The following DSCAML1 variants were observed in gnomAD, a reference collection of about 807,000 sequenced individuals.
DSCAML1 encodes cell adhesion molecule DSCAML1.
A neutral mutation model predicts 200.5 loss-of-function variants in DSCAML1; 38 were observed. That is an observed-to-expected ratio of 0.19 (90% CI 0.15 to 0.25). The LOEUF is 0.25. DSCAML1 is among the 10% of genes least tolerant of loss of function. DSCAML1 has a pLI of 1.00. For missense variants in DSCAML1, 2,223 were observed against 2,858.8 expected (o/e 0.78, Z 5.07); for synonymous variants, 1,215 against 1,165.0 (o/e 1.04, Z -0.87).
chr11:117,699,334 G>T (rs1166127153), intron 3 of DSCAML1, among the ~76,000 whole-genome samples: 1 of 152,170 alleles, frequency 6.6e-6, no homozygotes, highest in African/African-American at 2.4e-5. Flanking sequence ...GCACACGGCT[G>T]GGTCTCGAAT....
At chr11:117,664,111 AGAG>A (rs2052923674) in intron 3 of DSCAML1, among the ~76,000 whole-genome samples, 1 of 152,180 alleles carries the variant, frequency 6.6e-6, no homozygotes. Context: ...GGATGCTGGG[AGAG>A]GAGGCCAGGG....
rs1390358513 is a variant in DSCAML1, at chr11:117,649,708, A to G, written c.512-117186T>C. Among the ~76,000 whole-genome samples the G allele has an allele frequency of 2.0e-5, 3 of 152,096 alleles. No individual in the cohort carries two copies. The East Asian group carries it at 5.8e-4, about 29-fold the overall frequency. On this transcript the variant is annotated intron_variant, in intron 3 of 32. Coordinates refer to ENST00000651296, the MANE Select transcript of DSCAML1 (RefSeq NM_020693.4). ...TCTTAAAATAGCACGGGTTGAGAAA[A>G]TTTCCACAATGGCTATTGAATAATG...
At chr11:117,767,559 A>G (rs930332547) in intron 3 of DSCAML1, among the ~76,000 whole-genome samples, 1 of 152,214 alleles carries the variant, frequency 6.6e-6, no homozygotes, top group Non-Finnish European at 1.5e-5. Context: ...GAAGAATACA[A>G]GATGTCTGAG....
chr11:117,772,927 TG>T (rs1308698747), intron 3 of DSCAML1, among the ~76,000 whole-genome samples: 1 of 152,016 alleles, frequency 6.6e-6, no homozygotes, highest in Non-Finnish European at 1.5e-5. Context: ...AAACAGCGGA[TG>T]GAAAGATGAC....
chr11:117,488,884 C>T (rs773232447), intron 11 of DSCAML1, among the ~76,000 whole-genome samples: 7 of 152,328 alleles, frequency 4.6e-5, no homozygotes, highest in East Asian at 3.9e-4. Context: ...TATTATGCCC[C>T]GGTTCCAAAG....
At chr11:117,630,059 C>T (rs1206483668) in intron 3 of DSCAML1, among the ~76,000 whole-genome samples, 1 of 152,134 alleles carries the variant, frequency 6.6e-6, no homozygotes, top group Non-Finnish European at 1.5e-5. Flanking sequence ...AACTGAGAGA[C>T]AGCACAGTGA....
At position 117,780,529 on chromosome 11, in the gene DSCAML1, C is replaced by A; in HGVS notation, c.328G>T (p.Gly110Cys). The change falls in exon 2 of 33, where the codon GGC (glycine) becomes TGC (cysteine). Residue 110 changes from glycine to cysteine, a missense_variant. Gly to Cys is a radical substitution (Grantham distance 159). Around this residue, in one of 7 missense-constraint regions of DSCAML1, gnomAD observed 579 missense variants for 721.5 expected, o/e 0.80. Transcript: ENST00000651296. The surrounding 1 kb of genome is among the most constrained non-coding windows in gnomAD (Gnocchi z 4.8). ...CGGATGTTGGGGCTCCGGATCTTGC[C>A]GGCAGCGTTCTCCGCGGTGCAGAAG... is the stretch of plus-strand genomic sequence containing the variant. ...DYFCTAENAAGKIRSPNIRVK... is the reference protein window; with the variant it reads ...DYFCTAENAACKIRSPNIRVK... 1 of 1,462,382 alleles carries A rather than the reference C, an allele frequency of 6.8e-7. No individual in the cohort carries two copies. The highest frequency in any genetic ancestry group is 9.1e-7 in the Non-Finnish European group (1 of 1,100,952). The allele number at this position is 1,462,382 out of a possible 1,614,324, so 90.6% of individuals were successfully genotyped here.
rs80346819 is a variant in DSCAML1 at position 117,553,675 on chromosome 11, G to A, written c.512-21153C>T. Among the ~76,000 whole-genome samples, 484 of 152,282 alleles carry A rather than the reference G, an allele frequency of 3.2e-3. 16 individuals carry two copies. In the East Asian group the frequency reaches 0.072, roughly 23 times the overall value. On this transcript the variant is annotated intron_variant, in intron 3 of 32. Coordinates refer to ENST00000651296, the MANE Select transcript of DSCAML1 (RefSeq NM_020693.4). ...AGGATGTGGCAAAATTGAAATCCTC[G>A]TGCACTGATGGTGGGAATATAAAAT...
chr11:117,442,972 G>C (rs547801833), intron 21 of DSCAML1, among the ~76,000 whole-genome samples: 148 of 152,332 alleles, frequency 9.7e-4, no homozygotes, highest in African/African-American at 2.1e-3. Context: ...GTAGGCCCTC[G>C]ATCAGATGCT....
chr11:117,786,569 G>A (rs1462477458), intron 1 of DSCAML1, among the ~76,000 whole-genome samples: 1 of 152,094 alleles, frequency 6.6e-6, no homozygotes, highest in Non-Finnish European at 1.5e-5. Flanking sequence ...GTGACCCCCA[G>A]GGCTCCCACC....
intron 14 of DSCAML1, among the ~76,000 whole-genome samples, chr11:117,474,030 T>C (rs1490915584): frequency 2.6e-5 from 4 of 152,170 alleles, no homozygotes; most frequent in Non-Finnish European, 5.9e-5. Context: ...CATTCATTTT[T>C]GATGAGTGCA....
chr11:117,696,895 A>C lies in DSCAML1; in HGVS notation c.511+79896T>G, dbSNP rs559976548. Among the ~76,000 whole-genome samples, 3 of 152,268 alleles carry C rather than the reference A, an allele frequency of 2.0e-5. No homozygotes were observed. In the East Asian group the frequency reaches 5.8e-4, roughly 29 times the overall value. On this transcript the variant is annotated intron_variant, in intron 3 of 32. Coordinates refer to ENST00000651296, the MANE Select transcript of DSCAML1 (RefSeq NM_020693.4). ...TCCCATGCTCGCCCATTAATAGTAC[A>C]ACCTCCCTTGTCATCTGAGGCAGCT...
intron 1 of DSCAML1, among the ~76,000 whole-genome samples, chr11:117,809,922 T>G (rs1460037937): frequency 6.8e-6 from 1 of 147,428 alleles, no homozygotes; most frequent in Non-Finnish European, 1.5e-5. Context: ...CATTCACACA[T>G]TCACACACAC....
Position 117,691,001 on chromosome 11 carries a change from C to T in DSCAML1, c.511+85790G>A, listed in dbSNP as rs537834890. On this transcript the variant is annotated intron_variant, in intron 3 of 32. Transcript: ENST00000651296. Reference sequence around the variant, plus strand: ...CTCCCTAGGGCTCCCGTGACACATGCGTTTGGCCCTTCGAGATTACAAAGG... The same window carrying T: ...CTCCCTAGGGCTCCCGTGACACATGTGTTTGGCCCTTCGAGATTACAAAGG... 3.9e-5 allele frequency among the ~76,000 whole-genome samples: 6 copies of T among 152,268 alleles called. No homozygotes were observed. The South Asian group carries it at 8.3e-4, about 21-fold the overall frequency.
chr11:117,437,466 G>T lies in DSCAML1; in HGVS notation c.4433-57C>A. On this transcript the variant is annotated intron_variant, in intron 25 of 32. Coordinates refer to ENST00000651296, the MANE Select transcript of DSCAML1 (RefSeq NM_020693.4). This position sits in a 1 kb window ranked among gnomAD's most constrained non-coding sequence, Gnocchi z 5.3. ...AGAGATTTGGTGGGAGGCAGGACTG[G>T]ACTGGGCTGGGCTGGAAAGGATTTC... The T allele has an allele frequency of 6.4e-7, 1 of 1,568,334 alleles. No individual in the cohort carries two copies. Among genetic ancestry groups the T allele is most frequent in the South Asian group, 1.2e-5 (1 of 83,388 alleles).
chr11:117,808,299 ATAT>A (rs2055726019), intron 1 of DSCAML1, among the ~76,000 whole-genome samples: 1 of 152,220 alleles, frequency 6.6e-6, no homozygotes, highest in Admixed American at 6.5e-5. Context: ...TTCGGACTCT[ATAT>A]TCTGGGCAAT....
intron 3 of DSCAML1, among the ~76,000 whole-genome samples, chr11:117,753,383 G>A (rs2054634020): frequency 6.6e-6 from 1 of 152,132 alleles, no homozygotes; most frequent in Non-Finnish European, 1.5e-5. Flanking sequence ...GCTATGTTTG[G>A]GGCATGTCAC....
At position 117,564,619 on chromosome 11, in the gene DSCAML1, C is replaced by G. The variant is rs747602633; in HGVS notation, c.512-32097G>C. 9.2e-4 allele frequency among the ~76,000 whole-genome samples: 140 copies of G among 152,254 alleles called. 2 individuals are homozygous for G. Among genetic ancestry groups the G allele is most frequent in the Non-Finnish European group, 8.7e-4 (59 of 68,026 alleles). ...TGCTCACTCCTTGCCTCCCTCAAGG[C>G]TCTGCTCAAACCTCTCTCTCTCTCT... On this transcript the variant is annotated intron_variant, in intron 3 of 32. Transcript: ENST00000651296.
rs772971175 is a variant in DSCAML1 at position 117,776,440 on chromosome 11, G to A, written c.511+351C>T. Among the ~76,000 whole-genome samples, 11 of 151,992 alleles carry A rather than the reference G, an allele frequency of 7.2e-5. 1 individual carries two copies. Among genetic ancestry groups the A allele is most frequent in the Middle Eastern group, 6.8e-3 (2 of 294 alleles). On this transcript the variant is annotated intron_variant, in intron 3 of 32. Coordinates refer to ENST00000651296, the MANE Select transcript of DSCAML1 (RefSeq NM_020693.4). ...ATTCCTCCTCCCCTTGCCACCTTTC[G>A]CAGGTAAGGTGCTTCCAGCCTTGCC...
Sources: gnomAD v4.1 joint callset for allele counts (sites outside exome capture counted in the v4.1 genomes callset) on GRCh38, gnomAD v4.1.1 for gene constraint, gnomAD v4.1.1 regional missense constraint, Gnocchi (gnomAD v3.1) non-coding constraint, MANE v1.5 for transcripts, NCBI Gene and HGNC (gene_info 2026-07-23, HGNC 2026-07-21) for gene names.